Variants in LUZP2 observed in about 807,000 individuals in gnomAD.
LUZP2 encodes leucine zipper protein 2.
In LUZP2, 52 loss-of-function variants were observed where a neutral mutation model predicts 51.6. The ratio of observed to expected loss-of-function variants is 1.01; its 90% CI spans 0.81 to 1.27. The LOEUF (loss-of-function observed/expected upper bound fraction) is 1.27. Ranked by LOEUF, LUZP2 falls within the 50% of genes most tolerant of loss-of-function variation. The pLI, the probability that LUZP2 is intolerant of heterozygous loss-of-function variation, is 0.00. For synonymous variants in LUZP2, 154 were observed against 137.3 expected (o/e 1.12, Z -0.85); for missense variants, 436 against 395.4 (o/e 1.10, Z -0.87).
chr11:24,812,364 C>A (rs1279886669), intron 5 of LUZP2, among the ~76,000 whole-genome samples: 1 of 152,046 alleles, frequency 6.6e-6, no homozygotes, highest in Admixed American at 6.6e-5. Flanking sequence ...AAAAAGAAAA[C>A]TTCTTCAATT....
intron 7 of LUZP2, among the ~76,000 whole-genome samples, chr11:24,929,926 A>G (rs904050460): frequency 2.6e-5 from 4 of 152,096 alleles, no homozygotes; most frequent in East Asian, 1.9e-4. Context: ...TTAGGTGCTT[A>G]TATATTTAGA....
intron 1 of LUZP2, among the ~76,000 whole-genome samples, chr11:24,591,579 C>T (rs1853262053): frequency 6.6e-6 from 1 of 152,144 alleles, no homozygotes; most frequent in Non-Finnish European, 1.5e-5. Context: ...CAAAGTCTGA[C>T]TTTGCCTGTT....
intron 5 of LUZP2, among the ~76,000 whole-genome samples, chr11:24,791,910 T>G (rs1408332280): frequency 3.3e-5 from 5 of 151,706 alleles, no homozygotes. Context: ...ATACTGTAAA[T>G]GTCAAGAATT....
chr11:24,786,011 C>G, intron 5 of LUZP2: 2 of 985,258 alleles, frequency 2.0e-6, no homozygotes, highest in Non-Finnish European at 2.4e-6. Flanking sequence ...AAGTGGTACC[C>G]AGAGTTGGGG....
chr11:24,990,767 G>T (rs982449907), intron 9 of LUZP2, among the ~76,000 whole-genome samples: 1 of 151,814 alleles, frequency 6.6e-6, no homozygotes, highest in East Asian at 1.9e-4. Context: ...TAAAAGTCAA[G>T]AATATATATT....
intron 7 of LUZP2, among the ~76,000 whole-genome samples, chr11:24,964,003 A>G (rs1296568901): frequency 1.3e-5 from 2 of 152,228 alleles, no homozygotes; most frequent in Non-Finnish European, 2.9e-5. Flanking sequence ...TACTGATTTC[A>G]AATCTTTTGG....
chr11:25,039,602 C>T (rs1163706042), intron 9 of LUZP2, among the ~76,000 whole-genome samples: 2 of 152,124 alleles, frequency 1.3e-5, no homozygotes, highest in Non-Finnish European at 2.9e-5. Context: ...GCTGCAGCTC[C>T]ATCTCTGTCT....
chr11:24,550,004 C>A (rs1434156459), intron 1 of LUZP2, among the ~76,000 whole-genome samples: 1 of 152,052 alleles, frequency 6.6e-6, no homozygotes, highest in East Asian at 1.9e-4. Flanking sequence ...ACCCACCACC[C>A]TCTTCTGAAA....
At chr11:24,701,788 C>A (rs1251625121) in intron 1 of LUZP2, among the ~76,000 whole-genome samples, 2 of 152,012 alleles carry the variant, frequency 1.3e-5, no homozygotes, top group African/African-American at 4.8e-5. Flanking sequence ...AAAAAACTCC[C>A]ATAATATTGA....
intron 1 of LUZP2, among the ~76,000 whole-genome samples, chr11:24,606,728 C>T (rs143189429): frequency 6.6e-6 from 1 of 152,116 alleles, no homozygotes; most frequent in African/African-American, 2.4e-5. Context: ...AAACTTCATA[C>T]TGTTTTTCGT....
chr11:25,073,049 A>G (rs997309411), intron 10 of LUZP2, among the ~76,000 whole-genome samples: 1 of 152,078 alleles, frequency 6.6e-6, no homozygotes, highest in Non-Finnish European at 1.5e-5. Context: ...CACTTTAAAA[A>G]GGGGGTGGGC....
intron 1 of LUZP2, among the ~76,000 whole-genome samples, chr11:24,667,167 A>G (rs1856240079): frequency 6.6e-6 from 1 of 150,408 alleles, no homozygotes; most frequent in Non-Finnish European, 1.5e-5. Flanking sequence ...CAGCCCAAAT[A>G]TACATTTTCT....
At chr11:25,003,548 T>A (rs1856752559) in intron 9 of LUZP2, among the ~76,000 whole-genome samples, 1 of 152,192 alleles carries the variant, frequency 6.6e-6, no homozygotes, top group Admixed American at 6.5e-5. Flanking sequence ...GTTTTTGTAC[T>A]CCTAGAATTG....
chr11:24,636,474 G>A (rs188653510), intron 1 of LUZP2, among the ~76,000 whole-genome samples: 261 of 152,264 alleles, frequency 1.7e-3, no homozygotes, highest in African/African-American at 6.0e-3. Flanking sequence ...CTGCACATCA[G>A]ATTTTCCCCA....
intron 7 of LUZP2, among the ~76,000 whole-genome samples, chr11:24,930,270 T>C (rs1854407534): frequency 6.6e-6 from 1 of 152,200 alleles, no homozygotes; most frequent in South Asian, 2.1e-4. Flanking sequence ...CTAGTCATCA[T>C]GCTATTTGTT....
intron 1 of LUZP2, among the ~76,000 whole-genome samples, chr11:24,518,292 C>T (rs1850541157): frequency 6.6e-6 from 1 of 152,098 alleles, no homozygotes; most frequent in African/African-American, 2.4e-5. Flanking sequence ...AATTTAAGCT[C>T]AGAGCTGCAT....
Position 24,891,671 on chromosome 11 carries a change from A to G in LUZP2, c.397-14320A>G, listed in dbSNP as rs376636907. The G allele has an allele frequency of 2.6e-4, 201 of 767,322 alleles. No individual in the cohort carries two copies. In the African/African-American group the frequency reaches 3.5e-3, roughly 14 times the overall value. 47.5% of individuals were successfully genotyped at this position (767,322 alleles called of 1,614,324 possible). A position where few individuals can be genotyped will look rare whatever the true frequency, so the allele number is the denominator to read the frequency against. The stretch of plus-strand genomic sequence containing the variant: ...TCTCGACAGAATTCTATCAGGAATA[A>G]CACTGTACTTGTTCCACAGAAATTG... On this transcript the variant is annotated intron_variant, in intron 5 of 11. Transcript: ENST00000336930.
chr11:24,786,466 C>T (rs1020353706), intron 5 of LUZP2: 25 of 981,248 alleles, frequency 2.5e-5, no homozygotes, highest in Middle Eastern at 5.3e-4. Context: ...ATCATATTAA[C>T]GACTGCCTAT....
At chr11:24,798,853 A>G (rs1011319457) in intron 5 of LUZP2, among the ~76,000 whole-genome samples, 3 of 152,112 alleles carry the variant, frequency 2.0e-5, no homozygotes, top group African/African-American at 7.2e-5. Flanking sequence ...TGCTGTGTAC[A>G]GTGGACAGTA....
Sources: allele counts gnomAD v4.1 joint callset (sites outside exome capture counted in the v4.1 genomes callset), GRCh38; gene constraint gnomAD v4.1.1; transcripts MANE v1.5; gene names NCBI Gene and HGNC (gene_info 2026-07-23, HGNC 2026-07-21).